The following OXCT1 variants were observed in gnomAD, a reference collection of about 807,000 sequenced individuals.
The protein encoded by OXCT1 is 3-oxoacid CoA-transferase 1, also known as succinyl-CoA:3-ketoacid coenzyme A transferase 1, mitochondrial.
OXCT1 carries 27 observed loss-of-function variants against 69.6 expected under a neutral mutation model. The observed-to-expected ratio is 0.39, with a 90% CI of 0.29 to 0.54. OXCT1 has a LOEUF of 0.54. Ranked by LOEUF, OXCT1 falls within the 20% of genes least tolerant of loss-of-function variation. The pLI, the probability that OXCT1 is intolerant of heterozygous loss-of-function variation, is 0.72. For missense variants in OXCT1, 437 were observed against 650.2 expected, an observed-to-expected ratio of 0.67 and a Z score of 3.57; for synonymous variants, 202 against 217.8, an observed-to-expected ratio of 0.93 and a Z score of 0.64.
intron 7 of OXCT1, among the ~76,000 whole-genome samples, chr5:41,823,319 T>A (rs1386477873): frequency 1.3e-5 from 2 of 152,198 alleles, no homozygotes; most frequent in African/African-American, 4.8e-5. Context: ...AATTTTCCTT[T>A]GGTCTTCACC....
intron 1 of OXCT1, among the ~76,000 whole-genome samples, chr5:41,868,519 C>T (rs1750112064): frequency 1.3e-5 from 2 of 152,054 alleles, no homozygotes; most frequent in Non-Finnish European, 2.9e-5. Flanking sequence ...GTCAGGAGAT[C>T]GAGACCATCC....
chr5:41,860,151 C>T (rs1749670357), intron 3 of OXCT1, among the ~76,000 whole-genome samples: 1 of 151,874 alleles, frequency 6.6e-6, no homozygotes, highest in African/African-American at 2.4e-5. Context: ...CAAGTTACTT[C>T]TCTATTTTCA....
chr5:41,857,375 ACCCATT>A (rs1486510100), intron 3 of OXCT1, among the ~76,000 whole-genome samples: 1 of 151,904 alleles, frequency 6.6e-6, no homozygotes, highest in Non-Finnish European at 1.5e-5. Flanking sequence ...ACCTCACTCC[ACCCATT>A]CTCCTTTTGG....
chr5:41,804,449 A>C (rs1012339302), intron 9 of OXCT1, among the ~76,000 whole-genome samples: 6 of 152,144 alleles, frequency 3.9e-5, no homozygotes, highest in African/African-American at 1.4e-4. Context: ...TGACTTGCAA[A>C]TATTTTTCAC....
intron 5 of OXCT1, among the ~76,000 whole-genome samples, chr5:41,849,131 A>C (rs1291118178): frequency 6.6e-6 from 1 of 152,188 alleles, no homozygotes; most frequent in African/African-American, 2.4e-5. Flanking sequence ...CTCCAGATGG[A>C]AGATGCAGCT....
intron 2 of OXCT1, among the ~76,000 whole-genome samples, chr5:41,862,265 C>G (rs1174345145): frequency 6.6e-6 from 1 of 152,110 alleles, no homozygotes; most frequent in Non-Finnish European, 1.5e-5. Context: ...CAATACATGT[C>G]TACGGGGTCT....
chr5:41,766,533 T>A (rs1744608346), intron 13 of OXCT1, among the ~76,000 whole-genome samples: 2 of 145,050 alleles, frequency 1.4e-5, no homozygotes, highest in Admixed American at 6.9e-5. Context: ...CATTAAAAAG[T>A]CAACACATCA....
intron 16 of OXCT1, 121 bp downstream of exon 16, chr5:41,739,269 G>T (rs912617516): frequency 9.5e-6 from 7 of 735,772 alleles, no homozygotes; most frequent in Non-Finnish European, 1.7e-5. Flanking sequence ...TTCTACTCCT[G>T]TTCACTGTAA....
At chr5:41,739,972 A>T (rs1323536445) in intron 15 of OXCT1, among the ~76,000 whole-genome samples, 1 of 152,196 alleles carries the variant, frequency 6.6e-6, no homozygotes, top group Non-Finnish European at 1.5e-5. Flanking sequence ...GATAAATGCC[A>T]ACTCCCTAAT....
chr5:41,733,675 C>G (rs778336994), intron 16 of OXCT1, among the ~76,000 whole-genome samples: 1 of 152,124 alleles, frequency 6.6e-6, no homozygotes, highest in Non-Finnish European at 1.5e-5. Flanking sequence ...CATGTCAGCC[C>G]TATTTTGAGC....
chr5:41,798,995 T>G (rs970749882), intron 11 of OXCT1, among the ~76,000 whole-genome samples: 12 of 152,206 alleles, frequency 7.9e-5, no homozygotes, highest in African/African-American at 2.7e-4. Context: ...AAGGTTTCAT[T>G]TGAGGTTCCA....
chr5:41,767,115 A>C (rs1421404505), intron 13 of OXCT1, among the ~76,000 whole-genome samples: 1 of 152,184 alleles, frequency 6.6e-6, no homozygotes, highest in Non-Finnish European at 1.5e-5. Flanking sequence ...GATAACATTA[A>C]TTTAAACATA....
chr5:41,749,931 C>G (rs1743683289), intron 14 of OXCT1, among the ~76,000 whole-genome samples: 1 of 151,980 alleles, frequency 6.6e-6, no homozygotes. Context: ...TTTTCCCTTC[C>G]AAGGAATGGT....
chr5:41,852,971 C>T (rs753313001), intron 4 of OXCT1, among the ~76,000 whole-genome samples: 3 of 151,644 alleles, frequency 2.0e-5, no homozygotes, highest in Non-Finnish European at 4.4e-5. Context: ...CTCAGGAGGC[C>T]GAGGCAGGAG....
At chr5:41,845,711 G>C (rs759773798) in intron 5 of OXCT1, among the ~76,000 whole-genome samples, 1 of 152,088 alleles carries the variant, frequency 6.6e-6, no homozygotes, top group East Asian at 1.9e-4. Context: ...ATATTTTCAC[G>C]AGGTGAATTA....
At chr5:41,861,493 TAAAAC>T in intron 2 of OXCT1, 89 bp from the exon 3 acceptor site, 4 of 843,722 alleles carry the variant, frequency 4.7e-6, no homozygotes, top group South Asian at 1.3e-5. Flanking sequence ...AAAAGGGAAA[TAAAAC>T]AAAGCACATT....
intron 7 of OXCT1, among the ~76,000 whole-genome samples, chr5:41,834,668 G>A (rs1422265294): frequency 1.3e-5 from 2 of 152,014 alleles, no homozygotes; most frequent in African/African-American, 4.8e-5. Flanking sequence ...GGGGCAGCCG[G>A]ATACATAGAG....
chr5:41,760,969 A>G (rs1744318428), intron 14 of OXCT1, among the ~76,000 whole-genome samples: 1 of 152,154 alleles, frequency 6.6e-6, no homozygotes, highest in Non-Finnish European at 1.5e-5. Flanking sequence ...GCTTTAACAT[A>G]ATGCTGCATC....
At chr5:41,834,624 T>C (rs377476837) in intron 7 of OXCT1, among the ~76,000 whole-genome samples, 1 of 151,774 alleles carries the variant, frequency 6.6e-6, no homozygotes, top group Non-Finnish European at 1.5e-5. Flanking sequence ...AGCAAGAGGA[T>C]ACAATGATTA....
Sources: allele counts gnomAD v4.1 joint callset (sites outside exome capture counted in the v4.1 genomes callset), GRCh38; gene constraint gnomAD v4.1.1; transcripts MANE v1.5; gene names NCBI Gene and HGNC (gene_info 2026-07-23, HGNC 2026-07-21).